The following CDHR4 variants were observed in gnomAD, a reference collection of about 807,000 sequenced individuals.
CDHR4 encodes the protein cadherin-related family member 4.
In CDHR4, 89 loss-of-function variants were observed where a neutral mutation model predicts 88.4. The observed-to-expected ratio is 1.01, with a 90% CI of 0.85 to 1.20. The LOEUF is 1.20. CDHR4 is among the 50% of genes most tolerant of loss of function. The pLI is 0.00. For synonymous variants in CDHR4, 368 were observed against 399.2 expected, an observed-to-expected ratio of 0.92 and a Z score of 0.93; for missense variants, 914 against 1,007.2, an observed-to-expected ratio of 0.91 and a Z score of 1.25.
rs2081196281 is a variant in CDHR4 at position 49,792,531 on chromosome 3, A to G, written c.2075T>C (p.Leu692Ser). Residue 692 changes from leucine to serine, a missense_variant, in exon 15 of 19, where the codon TTG becomes TCG. Transcript: ENST00000412678. ...WQPQPWFVVVLTATGALLLLA... is the reference protein window; with the variant it reads ...WQPQPWFVVVSTATGALLLLA... Reference sequence around the variant, plus strand: ...GAGGAGAAGAGCACCAGTTGCTGTCAACACCACCACAAACCAGGGCTGTGG... The same window carrying G: ...GAGGAGAAGAGCACCAGTTGCTGTCGACACCACCACAAACCAGGGCTGTGG... 6.4e-7 allele frequency: 1 copy of G among 1,551,588 alleles called. No homozygotes were observed. Among genetic ancestry groups the G allele is most frequent in the Admixed American group, 2.0e-5 (1 of 50,976 alleles).
intron 4 of CDHR4, 100 bp downstream of exon 4, chr3:49,798,726 G>C (rs770641586): frequency 1.8e-6 from 2 of 1,129,772 alleles, no homozygotes; most frequent in Non-Finnish European, 2.5e-6. Flanking sequence ...TCTGCTGCAA[G>C]GTTCCTCTTC....
chr3:49,800,256 C>T (rs758002858), upstream of CDHR4, among the ~76,000 whole-genome samples: 1 of 152,134 alleles, frequency 6.6e-6, no homozygotes, highest in Middle Eastern at 3.4e-3. Context: ...CTGGGTGTGG[C>T]GGCTTACATC....
intron 4 of CDHR4, chr3:49,798,576 A>C (rs1037975726): frequency 1.1e-5 from 6 of 531,258 alleles, no homozygotes; most frequent in African/African-American, 8.1e-5. Context: ...CGACAGAGCA[A>C]GACTCCGTCT....
chr3:49,792,736 C>T (rs910202725), intron 14 of CDHR4, 118 bp downstream of exon 14: 44 of 1,457,320 alleles, frequency 3.0e-5, no homozygotes, highest in South Asian at 5.5e-5. Context: ...CTGGGCTCTC[C>T]GCACTCTGCG....
intron 5 of CDHR4, among the ~76,000 whole-genome samples, chr3:49,796,305 A>G (rs1165745435): frequency 6.6e-6 from 1 of 152,132 alleles, no homozygotes; most frequent in Non-Finnish European, 1.5e-5. Context: ...AATGTGAATT[A>G]TCATCTTAGA....
chr3:49,799,513 T>G, intron 1 of CDHR4, 76 bp from the exon 2 acceptor site: 1 of 1,445,160 alleles, frequency 6.9e-7, no homozygotes, highest in Non-Finnish European at 9.3e-7. Flanking sequence ...TCCTGTCCTT[T>G]TGCCACAGGG....
At chr3:49,794,324 G>A (rs1160672100) in intron 10 of CDHR4, among the ~76,000 whole-genome samples, 1 of 152,114 alleles carries the variant, frequency 6.6e-6, no homozygotes, top group Non-Finnish European at 1.5e-5. Context: ...CGTGAACCCG[G>A]GAGGCAGAGC....
At position 49,799,108 on chromosome 3, in the gene CDHR4, A is replaced by G; in HGVS notation, c.289T>C (p.Tyr97His). Residue 97 changes from tyrosine (Y) to histidine (H), a missense_variant, in exon 3 of 19, where the codon TAC (tyrosine) becomes CAC (histidine). By Grantham distance (83) the Tyr-to-His change is moderately conservative. Transcript: ENST00000412678. ...AQLDALMVNH[Y>H]KVQLKFTCGN... ...CATGTGAACTTCAGCTGCACCTTGT[A>G]GTGGTTCACCATCAGGGCATCCAAC... 2.5e-6 allele frequency: 4 copies of G among 1,575,134 alleles called. No individual in the cohort carries two copies. The highest frequency in any genetic ancestry group is 3.4e-6 in the Non-Finnish European group (4 of 1,159,970).
At chr3:49,801,170 G>C (rs2081356043), upstream of CDHR4, among the ~76,000 whole-genome samples, 1 of 152,130 alleles carries the variant, frequency 6.6e-6, no homozygotes, top group African/African-American at 2.4e-5. Flanking sequence ...CCCTTGTCAG[G>C]GTTCCCAGTG....
Position 49,792,957 on chromosome 3 carries a change from T to A in CDHR4, c.1892A>T (p.Asp631Val). ...GAGGTGGGGGGTGGAGGGGCCTGCA[T>A]CGGCCACACAGATCAGTAGCTCATA... ...RTYELLICVA[D>V]AGPSTPHLST... The change falls in exon 14 of 19, where the codon GAT (aspartate) becomes GTT (valine). Residue 631 changes from aspartate (D) to valine (V), a missense_variant. Coordinates refer to ENST00000412678, the MANE Select transcript of CDHR4 (RefSeq NM_001007540.4). The A allele has an allele frequency of 6.4e-7, 1 of 1,551,622 alleles. No individual in the cohort carries two copies.
intron 1 of CDHR4, 130 bp from the exon 2 acceptor site, chr3:49,799,567 A>T (rs1007748191): frequency 7.1e-6 from 8 of 1,130,224 alleles, no homozygotes. Flanking sequence ...CTTTCCTTGT[A>T]TCCAGCATCC....
intron 15 of CDHR4, 53 bp downstream of exon 15, chr3:49,792,415 G>A: frequency 1.3e-6 from 2 of 1,543,592 alleles, no homozygotes; most frequent in East Asian, 4.9e-5. Flanking sequence ...ATCACAACTG[G>A]GGTCCATAGG....
At chr3:49,793,421 G>C in intron 12 of CDHR4, 110 bp from the exon 13 acceptor site, 3 of 1,446,524 alleles carry the variant, frequency 2.1e-6, no homozygotes, top group Admixed American at 2.3e-5. Flanking sequence ...AAGTGATGAA[G>C]TCATCACACA....
At position 49,795,985 on chromosome 3, in the gene CDHR4, A is replaced by G. The variant is rs528571574; in HGVS notation, c.668T>C (p.Ile223Thr). 65 of 1,546,016 alleles carry G rather than the reference A, an allele frequency of 4.2e-5. No homozygotes were observed. The African/African-American group carries it at 8.4e-4, about 20-fold the overall frequency. Residue 223 changes from isoleucine (I) to threonine (T), a missense_variant, in exon 6 of 19, where the codon ATA becomes ACA. Ile to Thr is a moderately conservative substitution (Grantham distance 89). Transcript: ENST00000412678. The surrounding 1 kb of genome is among the most constrained non-coding windows in gnomAD (Gnocchi z 5.4). ...GGAGGGAACAGGCAAAACCTTCACT[A>G]TCACCATCCCTTGGCAGCTTTGCCT... Reference protein sequence around the residue: ...GQRQSCQGMVIVKVLPVPSSQ... With the variant: ...GQRQSCQGMVTVKVLPVPSSQ...
At chr3:49,797,580 C>G (rs1294401144) in intron 4 of CDHR4, among the ~76,000 whole-genome samples, 1 of 152,144 alleles carries the variant, frequency 6.6e-6, no homozygotes, top group African/African-American at 2.4e-5. Context: ...CTCCTGGGTT[C>G]AAGTGATTCT....
rs1218710449 is a variant in CDHR4 at position 49,793,696 on chromosome 3, C to T, written c.1510G>A (p.Asp504Asn). 1.3e-6 allele frequency: 2 copies of T among 1,551,726 alleles called. No homozygotes were observed. The highest frequency in any genetic ancestry group is 1.7e-6 in the Non-Finnish European group (2 of 1,146,992). Residue 504 changes from aspartate to asparagine, a missense_variant, in exon 12 of 19, where the codon GAC (aspartate) becomes AAC (asparagine). Asp to Asn is a conservative substitution (Grantham distance 23, BLOSUM62 1). Coordinates refer to ENST00000412678, the MANE Select transcript of CDHR4 (RefSeq NM_001007540.4). ...CTGTACAGCCTCTGCTGCTCATAGT[C>T]CAAAGGTCCCAGGAGGTGAACTTCC... ...SGEVHLLGPL[D>N]YEQQRLYRLT...
intron 9 of CDHR4, 48 bp from the exon 10 acceptor site, chr3:49,794,749 C>T: frequency 1.3e-6 from 2 of 1,504,884 alleles, no homozygotes; most frequent in South Asian, 1.2e-5. Context: ...CCTGAGAGAG[C>T]CCTGAGCCAC....
intron 4 of CDHR4, among the ~76,000 whole-genome samples, chr3:49,797,908 CTTTT>C (rs34937740): frequency 1.5e-5 from 2 of 131,160 alleles, no homozygotes; most frequent in Non-Finnish European, 1.6e-5. Context: ...TTTTTAAATA[CTTTT>C]TTTTTTTTTT....
rs1033898287 is a variant in CDHR4 at position 49,792,622 on chromosome 3, G to A, written c.1996-12C>T. On this transcript the variant is annotated splice_polypyrimidine_tract_variant and intron_variant, in intron 14 of 18. Coordinates refer to ENST00000412678, the MANE Select transcript of CDHR4 (RefSeq NM_001007540.4). The stretch of plus-strand genomic sequence containing the variant: ...ATCGTTGAGGGCACCTGAAAAGGAG[G>A]CCACAGCCTCACCACTGCCTTGCCA... 3 of 1,551,474 alleles carry A rather than the reference G, an allele frequency of 1.9e-6. No homozygotes were observed. Among genetic ancestry groups the A allele is most frequent in the Non-Finnish European group, 2.6e-6 (3 of 1,146,882 alleles).
Sources: gnomAD v4.1 joint callset for allele counts (sites outside exome capture counted in the v4.1 genomes callset) on GRCh38, gnomAD v4.1.1 for gene constraint, Gnocchi (gnomAD v3.1) non-coding constraint, MANE v1.5 for transcripts, NCBI Gene and HGNC (gene_info 2026-07-23, HGNC 2026-07-21) for gene names.